Variants in TMLHE observed in about 807,000 individuals in gnomAD.
TMLHE encodes trimethyllysine dioxygenase, mitochondrial.
TMLHE carries 18 observed loss-of-function variants against 25.7 expected under a neutral mutation model. The ratio of observed to expected loss-of-function variants is 0.70; its 90% CI spans 0.48 to 1.04. TMLHE has a LOEUF of 1.04. Ranked by LOEUF, TMLHE falls within the 50% of genes least tolerant of loss-of-function variation. TMLHE has a pLI of 0.00. For synonymous variants in TMLHE, 105 were observed against 97.0 expected, an observed-to-expected ratio of 1.08 and a Z score of -0.49; for missense variants, 236 against 259.0, an observed-to-expected ratio of 0.91 and a Z score of 0.61.
intron 2 of TMLHE, among the ~76,000 whole-genome samples, chrX:155,543,135 A>G (rs990588369): frequency 2.7e-5 from 3 of 111,449 alleles, no homozygotes; most frequent in Non-Finnish European, 5.7e-5. Context: ...CTTTCAGATC[A>G]GGAACAAGAC....
chrX:155,524,319 T>C (rs782002814), intron 3 of TMLHE, 137 bp downstream of exon 3: 1 of 527,209 alleles, frequency 1.9e-6, no homozygotes, highest in East Asian at 3.8e-5. Context: ...ATAAAATGTT[T>C]CAAAAAATCC....
At position 155,547,416 on chromosome X, in the gene TMLHE, T is replaced by G. The variant is rs782266218; in HGVS notation, c.-1-2139A>C. 4.6e-4 allele frequency among the ~76,000 whole-genome samples: 52 copies of G among 111,915 alleles called. No individual in the cohort carries two copies. The East Asian group carries it at 5.9e-3, about 13-fold the overall frequency. On this transcript the variant is annotated intron_variant, in intron 1 of 7. Transcript: ENST00000334398. ...CCTCAGCCTCCCAAAGTGCTGGGAT[T>G]ACAGGCGTGAGCCACCACGACCAGC...
intron 1 of TMLHE, among the ~76,000 whole-genome samples, chrX:155,595,389 A>G (rs782418231): frequency 8.9e-6 from 1 of 111,962 alleles, no homozygotes; most frequent in East Asian, 2.8e-4. Flanking sequence ...ATTCTCACAT[A>G]TTTTTCATTG....
intron 2 of TMLHE, among the ~76,000 whole-genome samples, chrX:155,539,401 A>G (rs1478299740): frequency 9.0e-6 from 1 of 111,452 alleles, no homozygotes; most frequent in African/African-American, 3.3e-5. Flanking sequence ...TGGCAGTATC[A>G]CAGACAGACA....
rs782586230 is a variant in TMLHE, at chrX:155,611,975, A to G, written c.-2+817T>C. On this transcript the variant is annotated intron_variant, in intron 1 of 7. Transcript: ENST00000334398. ...AAGTGTTTCTTAAATATGAGAGCTC[A>G]AGTTTTTCTTTCAGCGACTGAGTTA... 3.6e-5 allele frequency among the ~76,000 whole-genome samples: 4 copies of G among 112,145 alleles called. No homozygotes were observed. In the East Asian group the frequency reaches 1.1e-3, roughly 32 times the overall value.
At chrX:155,583,526 C>T (rs926449794) in intron 1 of TMLHE, among the ~76,000 whole-genome samples, 5 of 100,173 alleles carry the variant, frequency 5.0e-5, no homozygotes, top group Non-Finnish European at 8.0e-5. Flanking sequence ...CAAACCATAT[C>T]AAGCACTATT....
At chrX:155,548,535 G>GTTCAAGA (rs1491301815) in intron 1 of TMLHE, among the ~76,000 whole-genome samples, 1 of 109,143 alleles carries the variant, frequency 9.2e-6, no homozygotes, top group Non-Finnish European at 1.9e-5. Context: ...GCAGTATGAG[G>GTTCAAGA]CCAGCCTGAC....
At chrX:155,512,545 C>G (rs1316499403) in intron 4 of TMLHE, among the ~76,000 whole-genome samples, 2 of 110,807 alleles carry the variant, frequency 1.8e-5, no homozygotes, top group African/African-American at 6.6e-5. Context: ...ATATGTGCCA[C>G]ATTTTCTTAA....
At chrX:155,525,507 C>A (rs2067214386) in intron 2 of TMLHE, among the ~76,000 whole-genome samples, 1 of 111,920 alleles carries the variant, frequency 8.9e-6, no homozygotes, top group African/African-American at 3.2e-5. Flanking sequence ...AAAATTGTTA[C>A]CAGAGAAGTG....
At chrX:155,588,879 G>A (rs1438552218) in intron 1 of TMLHE, among the ~76,000 whole-genome samples, 1 of 111,433 alleles carries the variant, frequency 9.0e-6, no homozygotes, top group Admixed American at 9.5e-5. Flanking sequence ...CTCATCTGCT[G>A]GTGGAATGTA....
intron 1 of TMLHE, among the ~76,000 whole-genome samples, chrX:155,559,984 C>G (rs1028959500): frequency 5.3e-5 from 6 of 112,747 alleles, no homozygotes; most frequent in Admixed American, 2.8e-4. Context: ...CAACTGCCTA[C>G]TCAGTGTTTT....
chrX:155,547,310 A>C (rs1178421120), intron 1 of TMLHE, among the ~76,000 whole-genome samples: 1 of 100,992 alleles, frequency 9.9e-6, no homozygotes, highest in Non-Finnish European at 2.0e-5. Context: ...ACGCCCGGCT[A>C]ATTTTTTGTA....
At position 155,608,789 on chromosome X, in the gene TMLHE, A is replaced by G. The variant is rs1477479150; in HGVS notation, c.-2+4003T>C. Among the ~76,000 whole-genome samples, 7 of 112,633 alleles carry G rather than the reference A, an allele frequency of 6.2e-5. No individual in the cohort carries two copies. The Admixed American group carries it at 6.5e-4, about 11-fold the overall frequency. On this transcript the variant is annotated intron_variant, in intron 1 of 7. Transcript: ENST00000334398. The stretch of plus-strand genomic sequence containing the variant: ...AAAAGAAGACATACATGTGGTCAAC[A>G]AGCATATGAAAAAATGCTCAACATC...
chrX:155,576,888 C>G (rs1040396168), intron 1 of TMLHE, among the ~76,000 whole-genome samples: 7 of 111,911 alleles, frequency 6.3e-5, no homozygotes, highest in Admixed American at 1.9e-4. Flanking sequence ...AAATGTAAAG[C>G]CTAAAACTAC....
chrX:155,600,618 T>C (rs1308919122), intron 1 of TMLHE, among the ~76,000 whole-genome samples: 1 of 111,707 alleles, frequency 9.0e-6, no homozygotes. Context: ...GAGACCAGCC[T>C]AAAATTTAAC....
intron 1 of TMLHE, among the ~76,000 whole-genome samples, chrX:155,596,868 C>CT (rs1242892419): frequency 2.7e-5 from 3 of 109,347 alleles, no homozygotes; most frequent in Non-Finnish European, 3.8e-5. Flanking sequence ...CTCAGTGTTT[C>CT]TTTTTTTTTA....
intron 2 of TMLHE, among the ~76,000 whole-genome samples, chrX:155,524,991 T>C (rs2067210533): frequency 8.9e-6 from 1 of 112,135 alleles, no homozygotes; most frequent in Admixed American, 9.4e-5. Flanking sequence ...AATTTGTGTC[T>C]GTATGTCATG....
intron 1 of TMLHE, among the ~76,000 whole-genome samples, chrX:155,547,167 C>G (rs886493449): frequency 2.0e-5 from 2 of 101,983 alleles, no homozygotes; most frequent in Non-Finnish European, 4.0e-5. Context: ...TTTTTTGAGA[C>G]GGAGTCTTGC....
At chrX:155,534,920 A>G (rs1284623814) in intron 2 of TMLHE, among the ~76,000 whole-genome samples, 1 of 111,597 alleles carries the variant, frequency 9.0e-6, no homozygotes, top group Non-Finnish European at 1.9e-5. Flanking sequence ...TTAGGCCATG[A>G]AGGTAGATTC....
Sources: gnomAD v4.1 joint callset for allele counts (sites outside exome capture counted in the v4.1 genomes callset) on GRCh38, gnomAD v4.1.1 for gene constraint, MANE v1.5 for transcripts, NCBI Gene and HGNC (gene_info 2026-07-23, HGNC 2026-07-21) for gene names.